Variants in PCDHA9 observed in about 807,000 individuals in gnomAD.
PCDHA9 encodes the protein protocadherin alpha-9.
A neutral mutation model predicts 62.0 loss-of-function variants in PCDHA9; 62 were observed. The ratio of observed to expected loss-of-function variants is 1.00; its 90% CI spans 0.81 to 1.23. The LOEUF is 1.23. Ranked by LOEUF, PCDHA9 falls within the 50% of genes most tolerant of loss-of-function variation. The pLI is 0.00. For missense variants in PCDHA9, 1,205 were observed against 1,249.8 expected (o/e 0.96, Z 0.54); for synonymous variants, 557 against 567.6 (o/e 0.98, Z 0.27).
chr5:140,991,191 A>G (rs1316296536), intron 3 of PCDHA9, among the ~76,000 whole-genome samples: 2 of 152,218 alleles, frequency 1.3e-5, no homozygotes, highest in South Asian at 2.1e-4. Flanking sequence ...CTAGCACACA[A>G]TGATGCTCAA....
At chr5:141,003,123 T>C (rs1387983867) in intron 3 of PCDHA9, among the ~76,000 whole-genome samples, 1 of 152,240 alleles carries the variant, frequency 6.6e-6, no homozygotes, top group Non-Finnish European at 1.5e-5. Flanking sequence ...GGCCCTTTCC[T>C]GGCATTTGCC....
chr5:140,857,826 T>G, intron 1 of PCDHA9: 1 of 1,597,464 alleles, frequency 6.3e-7, no homozygotes, highest in Non-Finnish European at 8.6e-7. Context: ...GTGGCTAAGG[T>G]GCGCGCAGTG....
Position 140,956,288 on chromosome 5 carries a change from C to A in PCDHA9, c.2395-22661C>A, listed in dbSNP as rs115259112. The stretch of plus-strand genomic sequence containing the variant: ...AGTGTGGTATTGGCTGTGGGTTTAT[C>A]ATATATATGGCTCTTATTATTTTGA... On this transcript the variant is annotated intron_variant, in intron 1 of 3. Transcript: ENST00000532602. Among the ~76,000 whole-genome samples, 994 of 152,174 alleles carry A rather than the reference C, an allele frequency of 6.5e-3. 6 individuals carry two copies. Among genetic ancestry groups the A allele is most frequent in the African/African-American group, 0.022 (916 of 41,532 alleles).
intron 1 of PCDHA9, among the ~76,000 whole-genome samples, chr5:140,962,009 G>C (rs545144318): frequency 1.3e-4 from 19 of 151,596 alleles, no homozygotes; most frequent in African/African-American, 3.6e-4. Flanking sequence ...TCAGCTTCCC[G>C]AGTAGCTGGG....
At chr5:140,897,841 C>G (rs1272606504) in intron 1 of PCDHA9, among the ~76,000 whole-genome samples, 2 of 152,282 alleles carry the variant, frequency 1.3e-5, no homozygotes, top group South Asian at 2.1e-4. Flanking sequence ...CACATCCTCT[C>G]CAGCACCTGT....
At chr5:140,904,206 C>T (rs2070944708) in intron 1 of PCDHA9, among the ~76,000 whole-genome samples, 1 of 151,882 alleles carries the variant, frequency 6.6e-6, no homozygotes, top group South Asian at 2.1e-4. Flanking sequence ...CCCCTAAGTC[C>T]CCAAAGTCCA....
At chr5:140,874,111 G>A (rs977519429) in intron 1 of PCDHA9, among the ~76,000 whole-genome samples, 2 of 152,174 alleles carry the variant, frequency 1.3e-5, no homozygotes, top group African/African-American at 2.4e-5. Flanking sequence ...ATTACTTAAC[G>A]TTTTATAGTT....
intron 1 of PCDHA9, chr5:140,862,547 G>T: frequency 2.2e-6 from 1 of 455,636 alleles, no homozygotes; most frequent in South Asian, 1.7e-5. Context: ...CGTGGAAGTG[G>T]CCGAACAGTG....
chr5:140,972,837 T>C (rs1328315293), intron 1 of PCDHA9, among the ~76,000 whole-genome samples: 1 of 152,004 alleles, frequency 6.6e-6, no homozygotes, highest in Non-Finnish European at 1.5e-5. Context: ...CTAATTTTTG[T>C]ATTTTTAGTA....
In PCDHA9 at chr5:140,848,449, A is replaced by C. The variant is rs2150410589; in HGVS notation, c.-47A>C. The C allele has an allele frequency of 8.6e-6, 13 of 1,509,804 alleles. 2 individuals are homozygous for C. In the Admixed American group the frequency reaches 2.4e-4, roughly 28 times the overall value. The allele number at this position is 1,509,804 out of a possible 1,614,324, so 93.5% of individuals were successfully genotyped here. On this transcript the variant is annotated 5_prime_UTR_variant, in exon 1 of 4. An upstream open reading frame in the 5' UTR loses its in-frame stop. Coordinates refer to ENST00000532602, the MANE Select transcript of PCDHA9 (RefSeq NM_031857.2). ...CTGACGAAATCAGATGATTTCTTCT[A>C]ATTTGGAGGCAATTTTCACTAATTA...
intron 1 of PCDHA9, chr5:140,967,457 G>A: frequency 6.2e-7 from 1 of 1,613,614 alleles, no homozygotes; most frequent in Non-Finnish European, 8.5e-7. Context: ...CACAGCCGTG[G>A]ATGGGGGCAT....
rs2150418952 is a variant in PCDHA9, at chr5:140,848,733, C to T, written c.238C>T (p.Gln80Ter). Residue 80 changes from glutamine to a stop codon, truncating the protein, a stop_gained, in exon 1 of 4, where the codon CAG becomes TAG. Transcript: ENST00000532602. LOFTEE classifies it high-confidence loss of function. ...GRGDLLEVNL[Q>*]NGILFVNSRI... ...CGGGGACCTTCTGGAGGTAAATCTG[C>T]AGAATGGCATTTTGTTTGTGAATTC... 1 of 1,592,812 alleles carries T rather than the reference C, an allele frequency of 6.3e-7. No homozygotes were observed. The highest frequency in any genetic ancestry group is 2.2e-5 in the East Asian group (1 of 44,812).
At chr5:140,882,482 G>C (rs200256955) in intron 1 of PCDHA9, 38 of 1,613,930 alleles carry the variant, frequency 2.4e-5, no homozygotes, top group Admixed American at 8.3e-5. Flanking sequence ...CAAAAGACAC[G>C]GGGACCTTCT....
chr5:140,917,067 C>T (rs375970452), intron 1 of PCDHA9, among the ~76,000 whole-genome samples: 3 of 152,178 alleles, frequency 2.0e-5, no homozygotes, highest in African/African-American at 4.8e-5. Context: ...ACGACAGCAC[C>T]GAGTTTAATG....
intron 1 of PCDHA9, among the ~76,000 whole-genome samples, chr5:140,965,161 G>A (rs151157194): frequency 1.5e-4 from 23 of 152,334 alleles, no homozygotes; most frequent in African/African-American, 5.5e-4. Flanking sequence ...GAGAAAGGAC[G>A]TTTTAGTGAG....
At position 140,858,879 on chromosome 5, in the gene PCDHA9, CATGTGTAGAAT is replaced by C. The variant is rs2045639159; in HGVS notation, c.2394+7999_2394+8009del. On this transcript the variant is annotated intron_variant, in intron 1 of 3. Transcript: ENST00000532602. ...TCTTCAGTGAAAATGTGTTTTCCTC[CATGTGTAGAAT>C]ATGTGTAGCGTACCACAGCTTATAC... 2.9e-5 allele frequency: 7 copies of C among 243,802 alleles called. No homozygotes were observed. In the South Asian group the frequency reaches 3.1e-4, roughly 11 times the overall value. The allele number at this position is 243,802 out of a possible 1,614,324, so 15.1% of individuals were successfully genotyped here. A position where few individuals can be genotyped will look rare whatever the true frequency, so the allele number is the denominator to read the frequency against.
intron 1 of PCDHA9, among the ~76,000 whole-genome samples, chr5:140,914,884 CCTG>C (rs2153531970): frequency 6.6e-6 from 1 of 151,782 alleles, no homozygotes; most frequent in East Asian, 1.9e-4. Flanking sequence ...ACTGTATCCT[CCTG>C]CTTTTAACTT....
At chr5:140,927,827 C>T (rs1554205116) in intron 1 of PCDHA9, 2 of 1,614,100 alleles carry the variant, frequency 1.2e-6, no homozygotes, top group South Asian at 2.2e-5. Flanking sequence ...TACATTGAGG[C>T]GAGGGACGAA....
rs782421802 is a variant in PCDHA9, at chr5:140,862,804, C to T, written c.2394+11915C>T. The T allele has an allele frequency of 7.0e-6, 4 of 574,030 alleles. No individual in the cohort carries two copies. The African/African-American group carries it at 7.9e-5, about 11-fold the overall frequency. The allele number at this position is 574,030 out of a possible 1,614,324, so 35.6% of individuals were successfully genotyped here. On this transcript the variant is annotated intron_variant, in intron 1 of 3. Coordinates refer to ENST00000532602, the MANE Select transcript of PCDHA9 (RefSeq NM_031857.2). ...ACTGGACTACGAGGAGCTGGAGCTG[C>T]TGCAGTTCTAGGTGAGAGCGCGCGA...
Sources: allele counts gnomAD v4.1 joint callset (sites outside exome capture counted in the v4.1 genomes callset), GRCh38; gene constraint gnomAD v4.1.1; transcripts MANE v1.5; gene names NCBI Gene and HGNC (gene_info 2026-07-23, HGNC 2026-07-21).